MED27: variants seen among roughly 807,000 people sequenced by gnomAD.
MED27 encodes the protein mediator of RNA polymerase II transcription subunit 27.
MED27 carries 30 observed loss-of-function variants against 38.2 expected under a neutral mutation model. The observed-to-expected ratio is 0.79, with a 90% CI of 0.59 to 1.07. MED27 has a LOEUF of 1.07. MED27 is among the 50% of genes least tolerant of loss of function. The pLI is 0.00. For synonymous variants in MED27, 122 were observed against 153.5 expected (o/e 0.79, Z 1.52); for missense variants, 289 against 397.5 (o/e 0.73, Z 2.32).
intron 3 of MED27, among the ~76,000 whole-genome samples, chr9:131,957,901 A>C (rs982099886): frequency 6.6e-6 from 1 of 151,390 alleles, no homozygotes; most frequent in African/African-American, 2.4e-5. Flanking sequence ...TCTATTTAAA[A>C]AAAAAAAAAA....
At chr9:131,984,205 C>T (rs1831801628) in intron 3 of MED27, among the ~76,000 whole-genome samples, 1 of 152,218 alleles carries the variant, frequency 6.6e-6, no homozygotes, top group Non-Finnish European at 1.5e-5. Flanking sequence ...ACAGGCCCAG[C>T]TCTCCTGGCT....
At chr9:132,035,687 C>A (rs1205649469) in intron 2 of MED27, among the ~76,000 whole-genome samples, 1 of 152,172 alleles carries the variant, frequency 6.6e-6, no homozygotes. Context: ...GCCTGGTCAG[C>A]CATGGTGGCT....
intron 2 of MED27, among the ~76,000 whole-genome samples, chr9:132,050,198 G>C (rs1216746877): frequency 6.6e-6 from 1 of 152,194 alleles, no homozygotes; most frequent in Non-Finnish European, 1.5e-5. Context: ...AGGATGGGAA[G>C]GATCAGGGAA....
intron 3 of MED27, among the ~76,000 whole-genome samples, chr9:131,946,907 C>T (rs1283508760): frequency 2.0e-5 from 3 of 152,158 alleles, no homozygotes; most frequent in African/African-American, 7.2e-5. Flanking sequence ...GTCAGTGTAC[C>T]CCATTTTATC....
chr9:131,927,864 G>A (rs927694246), intron 4 of MED27, among the ~76,000 whole-genome samples: 3 of 152,156 alleles, frequency 2.0e-5, no homozygotes, highest in South Asian at 2.1e-4. Flanking sequence ...GACCTGCCAC[G>A]AGGGACAAAG....
At chr9:131,976,828 A>G (rs988646115) in intron 3 of MED27, among the ~76,000 whole-genome samples, 2 of 152,222 alleles carry the variant, frequency 1.3e-5, no homozygotes, top group Non-Finnish European at 2.9e-5. Flanking sequence ...TCTCTAATCT[A>G]CAACACTATT....
At chr9:132,075,278 A>G (rs1834020127) in intron 2 of MED27, among the ~76,000 whole-genome samples, 1 of 152,164 alleles carries the variant, frequency 6.6e-6, no homozygotes. Flanking sequence ...TAAACAGGTC[A>G]GTTTACTGGG....
intron 2 of MED27, among the ~76,000 whole-genome samples, chr9:132,025,382 A>T (rs1250225400): frequency 6.6e-6 from 1 of 152,124 alleles, no homozygotes; most frequent in Non-Finnish European, 1.5e-5. Context: ...GGGTTCCTCC[A>T]TGTTGGTAAG....
At chr9:132,053,569 C>T (rs1054503407) in intron 2 of MED27, among the ~76,000 whole-genome samples, 4 of 152,194 alleles carry the variant, frequency 2.6e-5, no homozygotes, top group African/African-American at 4.8e-5. Flanking sequence ...GACACTATCC[C>T]GTTTCACAAG....
intron 2 of MED27, among the ~76,000 whole-genome samples, chr9:132,048,257 A>C (rs1458674245): frequency 2.0e-5 from 3 of 152,140 alleles, no homozygotes; most frequent in Non-Finnish European, 4.4e-5. Context: ...TTCCAATCAC[A>C]ATTTTTCTCT....
At chr9:131,964,357 T>TGGTG (rs1831292395) in intron 3 of MED27, among the ~76,000 whole-genome samples, 1 of 146,832 alleles carries the variant, frequency 6.8e-6, no homozygotes, top group Non-Finnish European at 1.5e-5. Context: ...GAGGTGATGG[T>TGGTG]AGAGGTGATG....
Position 131,872,037 on chromosome 9 carries a change from T to C in MED27, c.724-8897A>G, listed in dbSNP as rs1838845116. 6.6e-6 allele frequency among the ~76,000 whole-genome samples: 1 copy of C among 152,216 alleles called. No individual in the cohort carries two copies. The highest frequency in any genetic ancestry group is 1.5e-5 in the Non-Finnish European group (1 of 68,040). On this transcript the variant is annotated intron_variant, in intron 6 of 7. Transcript: ENST00000292035. This position sits in a 1 kb window ranked among gnomAD's most constrained non-coding sequence, Gnocchi z 5.6. ...CATCTGGCCCCAGGGGGCATGCTCC[T>C]GGGCCGGAGTGGAGGCTGGCGACGC...
At chr9:131,922,011 C>T (rs1407109337) in intron 4 of MED27, among the ~76,000 whole-genome samples, 6 of 111,072 alleles carry the variant, frequency 5.4e-5, no homozygotes, top group South Asian at 2.8e-4. Flanking sequence ...CATCACACAC[C>T]GGGGCCTGTC....
chr9:131,881,964 C>T (rs1839055543), intron 6 of MED27, among the ~76,000 whole-genome samples: 1 of 151,950 alleles, frequency 6.6e-6, no homozygotes, highest in Non-Finnish European at 1.5e-5. Context: ...CCATGTTGGC[C>T]AGGCTGGTCT....
chr9:131,984,007 C>G (rs947625546), intron 3 of MED27, among the ~76,000 whole-genome samples: 1 of 152,100 alleles, frequency 6.6e-6, no homozygotes, highest in Admixed American at 6.5e-5. Context: ...TAAGTCCAAG[C>G]CTTGGTGTTC....
chr9:131,934,472 A>G (rs1447109777), intron 4 of MED27, among the ~76,000 whole-genome samples: 1 of 152,176 alleles, frequency 6.6e-6, no homozygotes, highest in Non-Finnish European at 1.5e-5. Flanking sequence ...AAAAATAGGC[A>G]AAAGATCCGA....
At chr9:131,929,273 G>A (rs1329843691) in intron 4 of MED27, among the ~76,000 whole-genome samples, 1 of 152,202 alleles carries the variant, frequency 6.6e-6, no homozygotes, top group African/African-American at 2.4e-5. Context: ...CTGGCTTCAA[G>A]TGAGATCCAG....
In MED27 at chr9:131,901,369, TCTCTAA is replaced by T. The variant is rs531546765; in HGVS notation, c.574-7383_574-7378del. 2.6e-3 allele frequency among the ~76,000 whole-genome samples: 399 copies of T among 152,316 alleles called. 1 individual carries two copies. The highest frequency in any genetic ancestry group is 0.01 in the Middle Eastern group (3 of 294). ...CTGAAAAGGATATAAACAATCATTT[TCTCTAA>T]CTCTCCCATGTCTAAAGAAGTAAAC... On this transcript the variant is annotated intron_variant, in intron 4 of 7. Transcript: ENST00000292035.
Position 131,899,396 on chromosome 9 carries a change from A to G in MED27, c.574-5404T>C, listed in dbSNP as rs992758903. Among the ~76,000 whole-genome samples the G allele has an allele frequency of 5.9e-5, 9 of 152,344 alleles. No homozygotes were observed. In the South Asian group the frequency reaches 1.2e-3, roughly 21 times the overall value. ...GTGCCTGCAAGCCTGAGGGTCAGGC[A>G]GCCAGACCTCCTGGCGGTGGCCATT... On this transcript the variant is annotated intron_variant, in intron 4 of 7. Transcript: ENST00000292035.
Sources: allele counts gnomAD v4.1 joint callset (sites outside exome capture counted in the v4.1 genomes callset), GRCh38; gene constraint gnomAD v4.1.1; non-coding constraint Gnocchi (gnomAD v3.1); transcripts MANE v1.5; gene names NCBI Gene and HGNC (gene_info 2026-07-23, HGNC 2026-07-21).